Variants in PCDH15 observed in about 807,000 individuals in gnomAD.
The protein encoded by PCDH15 is protocadherin related 15.
A neutral mutation model predicts 178.5 loss-of-function variants in PCDH15; 129 were observed. That is an observed-to-expected ratio of 0.72 (90% CI 0.63 to 0.84). The LOEUF is 0.84. Among genes scored for constraint, PCDH15 ranks in the 40% least tolerant of loss-of-function variants. The pLI is 0.00. For missense variants in PCDH15, 2,230 were observed against 2,099.9 expected (o/e 1.06, Z -1.21); for synonymous variants, 800 against 732.0 (o/e 1.09, Z -1.50).
chr10:55,465,175 G>T (rs1053783300), intron 2 of PCDH15, among the ~76,000 whole-genome samples: 2 of 152,228 alleles, frequency 1.3e-5, no homozygotes, highest in Non-Finnish European at 2.9e-5. Flanking sequence ...GGATCATGAG[G>T]GCTGGCAGTC....
chr10:55,099,035 C>A (rs1842515880), intron 2 of PCDH15, among the ~76,000 whole-genome samples: 1 of 151,770 alleles, frequency 6.6e-6, no homozygotes, highest in African/African-American at 2.4e-5. Context: ...AGATGATGAA[C>A]CTCAGGTGTT....
intron 2 of PCDH15, chr10:54,528,527 C>A: frequency 1.6e-6 from 1 of 643,868 alleles, no homozygotes; most frequent in Non-Finnish European, 2.5e-6. Flanking sequence ...TATACAATAA[C>A]ATTATCTAAT....
chr10:54,634,609 G>A (rs561227841), intron 2 of PCDH15, among the ~76,000 whole-genome samples: 2 of 151,876 alleles, frequency 1.3e-5, no homozygotes, highest in Non-Finnish European at 2.9e-5. Flanking sequence ...CTAAAGGAAT[G>A]GAAAGCAAAA....
At chr10:54,844,622 T>A in intron 3 of PCDH15, among the ~76,000 whole-genome samples, 1 of 151,992 alleles carries the variant, frequency 6.6e-6, no homozygotes. Flanking sequence ...AGTTTTCTTT[T>A]GCTTTTTTTT....
At chr10:54,324,845 GTTC>G (rs1340603609) in intron 7 of PCDH15, among the ~76,000 whole-genome samples, 1 of 151,958 alleles carries the variant, frequency 6.6e-6, no homozygotes, top group African/African-American at 2.4e-5. Flanking sequence ...TTACAAAAGT[GTTC>G]TTATATATTT....
intron 2 of PCDH15, among the ~76,000 whole-genome samples, chr10:55,076,722 T>C (rs1321512013): frequency 4.6e-5 from 7 of 150,962 alleles, no homozygotes; most frequent in African/African-American, 1.7e-4. Context: ...CCTCCCACAG[T>C]GCTAGGATTA....
chr10:53,883,036 C>T (rs2080843502), intron 26 of PCDH15, among the ~76,000 whole-genome samples: 1 of 151,858 alleles, frequency 6.6e-6, no homozygotes, highest in Non-Finnish European at 1.5e-5. Context: ...TTTTGATGTA[C>T]ATATGTATAT....
At chr10:55,072,392 G>A (rs76367489) in intron 2 of PCDH15, among the ~76,000 whole-genome samples, 380 of 151,922 alleles carry the variant, frequency 2.5e-3, no homozygotes, top group Non-Finnish European at 3.9e-3. Flanking sequence ...TCAAATAGAC[G>A]CAATAAAAAA....
chr10:53,930,953 A>G (rs1409587435), intron 25 of PCDH15, among the ~76,000 whole-genome samples: 1 of 152,202 alleles, frequency 6.6e-6, no homozygotes, highest in Non-Finnish European at 1.5e-5. Context: ...TAAAAGGAAG[A>G]TAATTATTTG....
chr10:53,844,463 G>T (rs2077849365), intron 28 of PCDH15, among the ~76,000 whole-genome samples: 1 of 151,752 alleles, frequency 6.6e-6, no homozygotes. Context: ...TGACCAAAAA[G>T]AAAACACAAA....
At chr10:54,647,064 C>T (rs367734768) in intron 2 of PCDH15, among the ~76,000 whole-genome samples, 106 of 152,192 alleles carry the variant, frequency 7.0e-4, no homozygotes, top group African/African-American at 2.3e-3. Context: ...CTATTCACAA[C>T]AACCAAGGTG....
chr10:54,051,179 AC>A (rs771653223), intron 18 of PCDH15, among the ~76,000 whole-genome samples: 12 of 152,208 alleles, frequency 7.9e-5, no homozygotes, highest in Non-Finnish European at 1.2e-4. Context: ...GTACATTGGT[AC>A]CACAGAAAGT....
At chr10:55,389,071 C>T (rs895262100) in intron 2 of PCDH15, among the ~76,000 whole-genome samples, 1 of 151,998 alleles carries the variant, frequency 6.6e-6, no homozygotes, top group Admixed American at 6.6e-5. Context: ...AACATTCAAA[C>T]AATAACAAGA....
chr10:55,417,034 T>C (rs1838499610), intron 2 of PCDH15, among the ~76,000 whole-genome samples: 1 of 151,816 alleles, frequency 6.6e-6, no homozygotes, highest in South Asian at 2.1e-4. Context: ...CTAGCACTCA[T>C]GCTGAGCTTT....
rs113347223 is a variant in PCDH15 at position 54,026,317 on chromosome 10, C to G, written c.2221-3120G>C. 3.2e-3 allele frequency among the ~76,000 whole-genome samples: 481 copies of G among 152,088 alleles called. 2 individuals are homozygous for G. The highest frequency in any genetic ancestry group is 0.011 in the African/African-American group (450 of 41,498). On this transcript the variant is annotated intron_variant, in intron 18 of 37. Coordinates refer to ENST00000644397, the MANE Select transcript of PCDH15 (RefSeq NM_001384140.1). Reference sequence around the variant, plus strand: ...ACTTCTGGGCTTGAGCCATCCTCCCCCTTTGGCTTCTCAAAGTGCTGAGAT... The same window carrying G: ...ACTTCTGGGCTTGAGCCATCCTCCCGCTTTGGCTTCTCAAAGTGCTGAGAT...
chr10:54,939,034 T>C (rs942760184), intron 2 of PCDH15, among the ~76,000 whole-genome samples: 2 of 152,168 alleles, frequency 1.3e-5, no homozygotes, highest in African/African-American at 4.8e-5. Flanking sequence ...TTTTCTGACC[T>C]ACAGAAATGT....
At chr10:54,009,088 A>G (rs1227076444) in intron 20 of PCDH15, among the ~76,000 whole-genome samples, 1 of 152,126 alleles carries the variant, frequency 6.6e-6, no homozygotes, top group Non-Finnish European at 1.5e-5. Flanking sequence ...TCCTTTTTCC[A>G]GACCACTAGA....
intron 1 of PCDH15, among the ~76,000 whole-genome samples, chr10:54,746,331 A>G (rs926241916): frequency 6.9e-6 from 1 of 144,758 alleles, no homozygotes; most frequent in African/African-American, 2.6e-5. Flanking sequence ...AGAGGGGAGG[A>G]GAGCAGGTAG....
chr10:54,481,487 A>G (rs1258686713), intron 3 of PCDH15, among the ~76,000 whole-genome samples: 15 of 151,824 alleles, frequency 9.9e-5, no homozygotes. Flanking sequence ...ATAAATGCAA[A>G]TAAACATTCA....
Sources: allele counts gnomAD v4.1 joint callset (sites outside exome capture counted in the v4.1 genomes callset), GRCh38; gene constraint gnomAD v4.1.1; transcripts MANE v1.5; gene names NCBI Gene and HGNC (gene_info 2026-07-23, HGNC 2026-07-21).